The following LPP variants were observed in gnomAD, a reference collection of about 807,000 sequenced individuals.
The protein encoded by LPP is lipoma-preferred partner.
A neutral mutation model predicts 60.4 loss-of-function variants in LPP; 38 were observed. That is an observed-to-expected ratio of 0.63 (90% confidence interval 0.49 to 0.83). The LOEUF (loss-of-function observed/expected upper bound fraction) is 0.83, where lower values mean the gene tolerates loss of function less well. Ranked by LOEUF, LPP falls within the 40% of genes least tolerant of loss-of-function variation. The pLI is 0.00. For missense variants in LPP, 902 were observed against 783.6 expected (o/e 1.15, Z -1.80); for synonymous variants, 328 against 290.8 (o/e 1.13, Z -1.30).
chr3:188,182,303 T>C lies in LPP; in HGVS notation c.-190+28051T>C, dbSNP rs1269188720. 6.6e-6 allele frequency among the ~76,000 whole-genome samples: 1 copy of C among 152,194 alleles called. No individual in the cohort carries two copies. The highest frequency in any genetic ancestry group is 1.5e-5 in the Non-Finnish European group (1 of 68,030). On this transcript the variant is annotated intron_variant, in intron 1 of 11. Coordinates refer to ENST00000617246, the MANE Select transcript of LPP (RefSeq NM_001375462.1). This position sits in a 1 kb window ranked among gnomAD's most constrained non-coding sequence, Gnocchi z 4.4. ...GGAGACTCTCGGTCTCACCCCAGAA[T>C]CTATGTCTTTAGGTGTTGCTGAAAG...
intron 6 of LPP, among the ~76,000 whole-genome samples, chr3:188,606,876 T>A (rs988236275): frequency 4.6e-5 from 7 of 152,014 alleles, no homozygotes; most frequent in African/African-American, 9.7e-5. Context: ...AACCCAGAGT[T>A]CCTATTTTGA....
intron 3 of LPP, among the ~76,000 whole-genome samples, chr3:188,366,866 T>C (rs765859011): frequency 1.3e-5 from 2 of 152,142 alleles, no homozygotes; most frequent in African/African-American, 2.4e-5. Context: ...ATGCCTGATG[T>C]CTTCTCACTG....
chr3:188,703,437 T>G (rs1864878678), intron 7 of LPP, among the ~76,000 whole-genome samples: 1 of 152,186 alleles, frequency 6.6e-6, no homozygotes, highest in African/African-American at 2.4e-5. Flanking sequence ...GCTCGAACAC[T>G]GAAAGTTTTA....
intron 4 of LPP, among the ~76,000 whole-genome samples, chr3:188,450,100 A>G (rs941090684): frequency 9.9e-5 from 15 of 152,028 alleles, no homozygotes; most frequent in Admixed American, 8.5e-4. Flanking sequence ...ACCACGCCCA[A>G]CCTGTATTAT....
intron 4 of LPP, among the ~76,000 whole-genome samples, chr3:188,444,548 C>T (rs1379751236): frequency 2.0e-5 from 3 of 152,210 alleles, no homozygotes; most frequent in Admixed American, 2.0e-4. Context: ...AAAACCTAGG[C>T]AATACCATTT....
intron 7 of LPP, among the ~76,000 whole-genome samples, chr3:188,676,586 A>T (rs1218364646): frequency 6.6e-6 from 1 of 152,216 alleles, no homozygotes; most frequent in Non-Finnish European, 1.5e-5. Context: ...GTTTTAAACA[A>T]ATTGTGCCAG....
Position 188,202,413 on chromosome 3 carries a change from C to G in LPP, c.-189-22992C>G, listed in dbSNP as rs143363756. 5.0e-3 allele frequency among the ~76,000 whole-genome samples: 757 copies of G among 152,262 alleles called. 22 individuals are homozygous for G. The highest frequency in any genetic ancestry group is 0.043 in the Admixed American group (664 of 15,292). ...CAGGCAGCAGCAGTACTTGCTGACACCGAAGAGAGATGTGAAAAAGAGAGA... is the reference window on the plus strand; with the variant it reads ...CAGGCAGCAGCAGTACTTGCTGACAGCGAAGAGAGATGTGAAAAAGAGAGA... On this transcript the variant is annotated intron_variant, in intron 1 of 11. Transcript: ENST00000617246.
intron 2 of LPP, among the ~76,000 whole-genome samples, chr3:188,341,246 G>A (rs901812893): frequency 3.9e-5 from 6 of 152,190 alleles, no homozygotes; most frequent in African/African-American, 7.2e-5. Flanking sequence ...AAGTAGAAAG[G>A]AAGGATTACT....
chr3:188,668,290 T>C (rs1856232425), intron 7 of LPP, among the ~76,000 whole-genome samples: 2 of 152,224 alleles, frequency 1.3e-5, no homozygotes, highest in Admixed American at 1.3e-4. Flanking sequence ...GAAGCTCTTA[T>C]AATTTTATGC....
At chr3:188,626,163 C>T (rs1339001018) in intron 7 of LPP, among the ~76,000 whole-genome samples, 1 of 152,062 alleles carries the variant, frequency 6.6e-6, no homozygotes, top group Non-Finnish European at 1.5e-5. Context: ...ACAGTCAGGC[C>T]TTCATATTCA....
At chr3:188,815,487 T>C (rs1361939772) in intron 9 of LPP, among the ~76,000 whole-genome samples, 4 of 151,996 alleles carry the variant, frequency 2.6e-5, no homozygotes, top group African/African-American at 4.8e-5. Context: ...GGGCTTAAGA[T>C]TGTATCTCTG....
rs34839724 is a variant in LPP at position 188,816,198 on chromosome 3, C to CTTTTTTT, written c.1411-49987_1411-49981dup. Among the ~76,000 whole-genome samples, 40 of 103,924 alleles carry CTTTTTTT rather than the reference C, an allele frequency of 3.8e-4. 1 individual carries two copies. The highest frequency in any genetic ancestry group is 1.2e-3 in the East Asian group (4 of 3,444). 68.2% of individuals were successfully genotyped at this position (103,924 alleles called of 152,430 possible). On this transcript the variant is annotated intron_variant, in intron 9 of 11. Transcript: ENST00000617246. ...AGCCTGAATTGTAAGGCTTCCTTCT[C>CTTTTTTT]TTTTTTTTTTTTTTTTTTTTTGAGA... is the stretch of plus-strand genomic sequence containing the variant.
chr3:188,187,569 G>A (rs184750429), intron 1 of LPP, among the ~76,000 whole-genome samples: 108 of 151,832 alleles, frequency 7.1e-4, no homozygotes, highest in Middle Eastern at 6.8e-3. Flanking sequence ...GTATTCTGTC[G>A]TTCTCTTGTC....
At chr3:188,833,524 G>C (rs1757607366) in intron 9 of LPP, among the ~76,000 whole-genome samples, 1 of 152,172 alleles carries the variant, frequency 6.6e-6, no homozygotes, top group South Asian at 2.1e-4. Context: ...AGGTTTAAGA[G>C]AATCTGAGTA....
At chr3:188,770,145 C>T (rs1577438692) in intron 9 of LPP, among the ~76,000 whole-genome samples, 1 of 140,764 alleles carries the variant, frequency 7.1e-6, no homozygotes, top group Non-Finnish European at 1.6e-5. Flanking sequence ...GCCTATTCCT[C>T]ATTTTCTTTC....
intron 9 of LPP, among the ~76,000 whole-genome samples, chr3:188,761,597 G>A (rs1460133500): frequency 1.3e-5 from 2 of 152,144 alleles, no homozygotes; most frequent in Non-Finnish European, 2.9e-5. Flanking sequence ...AAGCGACTTC[G>A]TATGACCTAT....
intron 10 of LPP, among the ~76,000 whole-genome samples, chr3:188,870,861 G>T (rs981040316): frequency 1.3e-5 from 2 of 152,128 alleles, no homozygotes; most frequent in African/African-American, 4.8e-5. Context: ...TACTCAGCAA[G>T]AATACAGTTT....
intron 3 of LPP, among the ~76,000 whole-genome samples, chr3:188,398,900 A>G (rs1032690897): frequency 6.6e-6 from 1 of 152,244 alleles, no homozygotes; most frequent in Non-Finnish European, 1.5e-5. Context: ...AGTCAGGGAA[A>G]CGGGTGACAG....
chr3:188,493,828 T>C (rs892897093), intron 5 of LPP, among the ~76,000 whole-genome samples: 20 of 152,170 alleles, frequency 1.3e-4, no homozygotes, highest in African/African-American at 4.1e-4. Flanking sequence ...TATATGGAAT[T>C]GGATTTCTTC....
Sources: gnomAD v4.1 joint callset for allele counts (sites outside exome capture counted in the v4.1 genomes callset) on GRCh38, gnomAD v4.1.1 for gene constraint, Gnocchi (gnomAD v3.1) non-coding constraint, MANE v1.5 for transcripts, NCBI Gene and HGNC (gene_info 2026-07-23, HGNC 2026-07-21) for gene names.